Variants in AAMP observed in about 807,000 individuals in gnomAD.
The protein encoded by AAMP is angio associated migratory cell protein.
A neutral mutation model predicts 51.1 loss-of-function variants in AAMP; 12 were observed. That is an observed-to-expected ratio of 0.23 (90% CI 0.15 to 0.38). The LOEUF is 0.38. Among genes scored for constraint, AAMP ranks in the 10% least tolerant of loss-of-function variants. The pLI, the probability that AAMP is intolerant of heterozygous loss-of-function variation, is 1.00. For synonymous variants in AAMP, 210 were observed against 218.7 expected (o/e 0.96, Z 0.35); for missense variants, 418 against 557.2 (o/e 0.75, Z 2.52).
In AAMP at chr2:218,267,339, C is replaced by A; in HGVS notation, c.394+155G>T. ...CTCCTGCCTCTGTGCCCAAAACACA[C>A]TAGTATTCGCCCCGTGTCCCTGGGG... On this transcript the variant is annotated intron_variant, in intron 3 of 10. Coordinates refer to ENST00000248450, the MANE Select transcript of AAMP (RefSeq NM_001087.5). This position sits in a 1 kb window ranked among gnomAD's most constrained non-coding sequence, Gnocchi z 4.6. 8.6e-7 allele frequency: 1 copy of A among 1,165,008 alleles called. No homozygotes were observed. The allele number at this position is 1,165,008 out of a possible 1,614,324, so 72.2% of individuals were successfully genotyped here. A position where few individuals can be genotyped will look rare whatever the true frequency, so the allele number is the denominator to read the frequency against.
At position 218,264,409 on chromosome 2, in the gene AAMP, G is replaced by T; in HGVS notation, c.*124C>A. ...AGAGGGGAGCAAGTCAGTTGAAGAG[G>T]CTGGAAAGTCATCCAGGGCCCCACC... On this transcript the variant is annotated 3_prime_UTR_variant, in exon 11 of 11. Coordinates refer to ENST00000248450, the MANE Select transcript of AAMP (RefSeq NM_001087.5). 1 of 919,272 alleles carries T rather than the reference G, an allele frequency of 1.1e-6. No individual in the cohort carries two copies. Among genetic ancestry groups the T allele is most frequent in the South Asian group, 1.4e-5 (1 of 71,380 alleles). The allele number at this position is 919,272 out of a possible 1,614,324, so 56.9% of individuals were successfully genotyped here.
chr2:218,265,061 G>A lies in AAMP; in HGVS notation c.1188C>T (p.Tyr396=), dbSNP rs765574346. ...CCAGGATCTCAGCCGTGTGGCCCCG[G>A]TAGTCAGTAAGCAGGCGGCCGGTCC... The part of the protein sequence containing the change: ...DARTGRLLTD[Y]RGHTAEILDF... Residue 396 remains tyrosine, a synonymous_variant, in exon 10 of 11, where the codon TAC becomes TAT. Transcript: ENST00000248450. The surrounding 1 kb of genome is among the most constrained non-coding windows in gnomAD (Gnocchi z 6.6). 1.2e-6 allele frequency: 2 copies of A among 1,613,888 alleles called. No individual in the cohort carries two copies. The highest frequency in any genetic ancestry group is 2.2e-5 in the East Asian group (1 of 44,884).
chr2:218,265,333 A>G lies in AAMP; in HGVS notation c.1074+38T>C, dbSNP rs200030271. The G allele has an allele frequency of 1.5e-4, 226 of 1,536,510 alleles. 1 individual carries two copies. In the East Asian group the frequency reaches 1.7e-3, roughly 12 times the overall value. On this transcript the variant is annotated intron_variant, in intron 9 of 10. Coordinates refer to ENST00000248450, the MANE Select transcript of AAMP (RefSeq NM_001087.5). The surrounding 1 kb of genome is among the most constrained non-coding windows in gnomAD (Gnocchi z 6.6). ...GGCCTGGGCTTCCCCACCACTATGG[A>G]CACAGCCCACAGGGACCCCAGCTCC...
At chr2:218,269,788 G>T in intron 1 of AAMP, 178 bp downstream of exon 1, 1 of 1,099,246 alleles carries the variant, frequency 9.1e-7, no homozygotes, top group Non-Finnish European at 1.3e-6. Flanking sequence ...AGGCGTCAGG[G>T]AACCCCCACC....
rs1182166932 is a variant in AAMP at position 218,266,224 on chromosome 2, G to A, written c.680-77C>T. The A allele has an allele frequency of 4.8e-6, 7 of 1,443,690 alleles. No individual in the cohort carries two copies. In the African/African-American group the frequency reaches 8.4e-5, roughly 17 times the overall value. 89.4% of individuals were successfully genotyped at this position (1,443,690 alleles called of 1,614,324 possible). On this transcript the variant is annotated intron_variant, in intron 5 of 10. Coordinates refer to ENST00000248450, the MANE Select transcript of AAMP (RefSeq NM_001087.5). The surrounding 1 kb of genome is among the most constrained non-coding windows in gnomAD (Gnocchi z 4.7). ...AAGCAAGGGAATGGGGAGAGGGAGA[G>A]GAAAGAAGAGTGGAAGGGCCCAGAC...
intron 2 of AAMP, among the ~76,000 whole-genome samples, chr2:218,268,930 C>T (rs1346310161): frequency 6.6e-6 from 1 of 152,170 alleles, no homozygotes; most frequent in African/African-American, 2.4e-5. Flanking sequence ...AACTCCCGAC[C>T]TTGTGATCCG....
intron 1 of AAMP, chr2:218,269,750 G>T: frequency 1.0e-6 from 1 of 995,824 alleles, no homozygotes; most frequent in Non-Finnish European, 1.5e-6. Flanking sequence ...ATGATGGGAA[G>T]GGGGTGTGTG....
Position 218,265,089 on chromosome 2 carries a change from G to A in AAMP, c.1160C>T (p.Ala387Val). Residue 387 changes from alanine (A) to valine (V), a missense_variant, in exon 10 of 11, where the codon GCC (alanine) becomes GTC (valine). Physicochemically the swap from Ala to Val is moderately conservative, Grantham distance 64. Coordinates refer to ENST00000248450, the MANE Select transcript of AAMP (RefSeq NM_001087.5). The surrounding 1 kb of genome is among the most constrained non-coding windows in gnomAD (Gnocchi z 6.6). ...SLDGIVRLWD[A>V]RTGRLLTDYR... Reference sequence around the variant, plus strand: ...GTCAGTAAGCAGGCGGCCGGTCCGGGCGTCCCAGAGGCGCACGATGCCATC... The same window carrying A: ...GTCAGTAAGCAGGCGGCCGGTCCGGACGTCCCAGAGGCGCACGATGCCATC... 1 of 1,613,614 alleles carries A rather than the reference G, an allele frequency of 6.2e-7. No individual in the cohort carries two copies. Among genetic ancestry groups the A allele is most frequent in the Non-Finnish European group, 8.5e-7 (1 of 1,179,914 alleles).
rs781750286 is a variant in AAMP, at chr2:218,266,047, T to C, written c.763+17A>G. 1.2e-6 allele frequency: 2 copies of C among 1,613,382 alleles called. No individual in the cohort carries two copies. Among genetic ancestry groups the C allele is most frequent in the Admixed American group, 3.3e-5 (2 of 59,996 alleles). On this transcript the variant is annotated intron_variant, in intron 6 of 10. Coordinates refer to ENST00000248450, the MANE Select transcript of AAMP (RefSeq NM_001087.5). The surrounding 1 kb of genome is among the most constrained non-coding windows in gnomAD (Gnocchi z 4.7). ...CCCTACAAAGGCCCAGGCTAACACT[T>C]CCCCCACCTCTGATACCTTTCAGTA...
rs767360025 is a variant in AAMP, at chr2:218,265,721, G to C, written c.880-39C>G. ...AGGATCAGAGGAGGACACGGAATCCGGGTGCTTGATGGAGAGAAAGACGGT... is the reference window on the plus strand; with the variant it reads ...AGGATCAGAGGAGGACACGGAATCCCGGTGCTTGATGGAGAGAAAGACGGT... On this transcript the variant is annotated intron_variant, in intron 7 of 10. Transcript: ENST00000248450. The surrounding 1 kb of genome is among the most constrained non-coding windows in gnomAD (Gnocchi z 6.6). 27 of 1,597,640 alleles carry C rather than the reference G, an allele frequency of 1.7e-5. No homozygotes were observed. In the South Asian group the frequency reaches 2.8e-4, roughly 16 times the overall value.
Position 218,264,570 on chromosome 2 carries a change from T to C in AAMP, c.1268A>G (p.Lys423Arg), listed in dbSNP as rs1444884938. 6.2e-7 allele frequency: 1 copy of C among 1,614,160 alleles called. No individual in the cohort carries two copies. The highest frequency in any genetic ancestry group is 1.7e-5 in the Admixed American group (1 of 60,020). The part of the protein sequence containing the change: ...SLVVTTSGDH[K>R]AKVFCVQRPD... ...CCTTTGGACACAAAATACTTTCGCTTTGTGGTCTCCTGACGTGGTCACCAC... is the reference window on the plus strand; with the variant it reads ...CCTTTGGACACAAAATACTTTCGCTCTGTGGTCTCCTGACGTGGTCACCAC... Residue 423 changes from lysine (K) to arginine (R), a missense_variant, in exon 11 of 11, where the codon AAA becomes AGA. Lys to Arg is a conservative substitution (Grantham distance 26). Transcript: ENST00000248450.
At position 218,266,052 on chromosome 2, in the gene AAMP, C is replaced by A. The variant is rs369981705; in HGVS notation, c.763+12G>T. 775 of 1,613,926 alleles carry A rather than the reference C, an allele frequency of 4.8e-4. 9 individuals carry two copies. The South Asian group carries it at 6.0e-3, about 13-fold the overall frequency. On this transcript the variant is annotated intron_variant, in intron 6 of 10. Coordinates refer to ENST00000248450, the MANE Select transcript of AAMP (RefSeq NM_001087.5). This position sits in a 1 kb window ranked among gnomAD's most constrained non-coding sequence, Gnocchi z 4.7. The stretch of plus-strand genomic sequence containing the variant: ...CAAAGGCCCAGGCTAACACTTCCCC[C>A]ACCTCTGATACCTTTCAGTACATGG...
rs150733595 is a variant in AAMP at position 218,268,694 on chromosome 2, CTTT to C, written c.274+685_274+687del. 5.7e-4 allele frequency among the ~76,000 whole-genome samples: 62 copies of C among 109,420 alleles called. 1 individual carries two copies. In the South Asian group the frequency reaches 9.6e-3, roughly 17 times the overall value. The allele number at this position is 109,420 out of a possible 152,430, so 71.8% of individuals were successfully genotyped here. ...TTTTATTAACTTTTATCAAAGATAACTTTTTTTTTTTTTTTTTTTTTGGAGACA... is the reference window on the plus strand; with the variant it reads ...TTTTATTAACTTTTATCAAAGATAACTTTTTTTTTTTTTTTTTTGGAGACA... On this transcript the variant is annotated intron_variant, in intron 2 of 10. Coordinates refer to ENST00000248450, the MANE Select transcript of AAMP (RefSeq NM_001087.5).
In AAMP at chr2:218,267,772, T is replaced by C. The variant is rs1690668082; in HGVS notation, c.275-159A>G. 6.6e-6 allele frequency among the ~76,000 whole-genome samples: 1 copy of C among 151,936 alleles called. No individual in the cohort carries two copies. The highest frequency in any genetic ancestry group is 1.5e-5 in the Non-Finnish European group (1 of 67,974). On this transcript the variant is annotated intron_variant, in intron 2 of 10. Transcript: ENST00000248450. The surrounding 1 kb of genome is among the most constrained non-coding windows in gnomAD (Gnocchi z 4.6). Reference sequence around the variant, plus strand: ...GTTCTTCTAAGTTTCAAGAATTGGGTTGTTAGATCCTTCCCATATTTGCCA... The same window carrying C: ...GTTCTTCTAAGTTTCAAGAATTGGGCTGTTAGATCCTTCCCATATTTGCCA...
Position 218,269,485 on chromosome 2 carries a change from CTCCTCTTCT to C in AAMP, c.162_170del (p.Glu57_Glu59del), listed in dbSNP as rs762270799. On this transcript the variant is annotated inframe_deletion, in exon 2 of 11. Coordinates refer to ENST00000248450, the MANE Select transcript of AAMP (RefSeq NM_001087.5). Reference sequence around the variant, plus strand: ...CCCAGCCCTCTTCGTTGCCCTCTTCCTCCTCTTCTTCCTCAAAGTCCACATCTTCCATCT... The same window carrying C: ...CCCAGCCCTCTTCGTTGCCCTCTTCCTCCTCAAAGTCCACATCTTCCATCT... 2 of 1,614,114 alleles carry C rather than the reference CTCCTCTTCT, an allele frequency of 1.2e-6. No individual in the cohort carries two copies. The highest frequency in any genetic ancestry group is 2.7e-5 in the African/African-American group (2 of 74,934).
intron 10 of AAMP, 152 bp downstream of exon 10, chr2:218,264,868 C>G: frequency 7.7e-7 from 1 of 1,304,268 alleles, no homozygotes. Flanking sequence ...CACTGTCAGC[C>G]ACTGGAATGG....
In AAMP at chr2:218,264,429, C is replaced by T. The variant is rs1180641949; in HGVS notation, c.*104G>A. 7 of 1,134,416 alleles carry T rather than the reference C, an allele frequency of 6.2e-6. No homozygotes were observed. In the East Asian group the frequency reaches 9.5e-5, roughly 15 times the overall value. 70.3% of individuals were successfully genotyped at this position (1,134,416 alleles called of 1,614,324 possible). Reference sequence around the variant, plus strand: ...AAGAGGCTGGAAAGTCATCCAGGGCCCCACCCTCCTCTTCCCTCTGTGCCC... The same window carrying T: ...AAGAGGCTGGAAAGTCATCCAGGGCTCCACCCTCCTCTTCCCTCTGTGCCC... On this transcript the variant is annotated 3_prime_UTR_variant, in exon 11 of 11. Coordinates refer to ENST00000248450, the MANE Select transcript of AAMP (RefSeq NM_001087.5).
At position 218,265,042 on chromosome 2, in the gene AAMP, T is replaced by C. The variant is rs772981491; in HGVS notation, c.1207A>G (p.Ile403Val). The C allele has an allele frequency of 4.3e-5, 70 of 1,613,698 alleles. No individual in the cohort carries two copies. Among genetic ancestry groups the C allele is most frequent in the Non-Finnish European group, 3.8e-5 (45 of 1,180,018 alleles). ...TACTTGCTGAGGGCAAAGTCCAGGATCTCAGCCGTGTGGCCCCGGTAGTCA... is the reference window on the plus strand; with the variant it reads ...TACTTGCTGAGGGCAAAGTCCAGGACCTCAGCCGTGTGGCCCCGGTAGTCA... ...LTDYRGHTAE[I>V]LDFALSKDAS... The change falls in exon 10 of 11, where the codon ATC becomes GTC. Residue 403 changes from isoleucine (I) to valine (V), a missense_variant. Ile to Val is a conservative substitution (Grantham distance 29). Transcript: ENST00000248450. The surrounding 1 kb of genome is among the most constrained non-coding windows in gnomAD (Gnocchi z 6.6).
rs1690728628 is a variant in AAMP at position 218,269,491 on chromosome 2, T to C, written c.165A>G (p.Glu55=). ...CCTCTTCGTTGCCCTCTTCCTCCTC[T>C]TCTTCCTCAAAGTCCACATCTTCCA... ...QEMEDVDFEE[E]EEEEGNEEGW... Residue 55 remains glutamate (E), a synonymous_variant, in exon 2 of 11, where the codon GAA becomes GAG. Coordinates refer to ENST00000248450, the MANE Select transcript of AAMP (RefSeq NM_001087.5). 2.5e-6 allele frequency: 4 copies of C among 1,614,084 alleles called. No homozygotes were observed. Among genetic ancestry groups the C allele is most frequent in the East Asian group, 4.5e-5 (2 of 44,902 alleles).
Sources: gnomAD v4.1 joint callset for allele counts (sites outside exome capture counted in the v4.1 genomes callset) on GRCh38, gnomAD v4.1.1 for gene constraint, Gnocchi (gnomAD v3.1) non-coding constraint, MANE v1.5 for transcripts, NCBI Gene and HGNC (gene_info 2026-07-23, HGNC 2026-07-21) for gene names.